The following C6orf62 variants were observed in gnomAD, a reference collection of about 807,000 sequenced individuals.
The protein encoded by C6orf62 is chromosome 6 open reading frame 62.
C6orf62 carries 16 observed loss-of-function variants against 26.8 expected under a neutral mutation model. The ratio of observed to expected loss-of-function variants is 0.60; its 90% CI spans 0.40 to 0.91. The LOEUF (loss-of-function observed/expected upper bound fraction) is 0.91. Ranked by LOEUF, C6orf62 falls within the 40% of genes least tolerant of loss-of-function variation. The pLI is 0.00. For synonymous variants in C6orf62, 112 were observed against 91.5 expected, an observed-to-expected ratio of 1.22 and a Z score of -1.28; for missense variants, 192 against 271.4, an observed-to-expected ratio of 0.71 and a Z score of 2.06.
intron 1 of C6orf62, among the ~76,000 whole-genome samples, chr6:24,716,882 CCTGG>C: frequency 6.6e-6 from 1 of 152,206 alleles, no homozygotes; most frequent in East Asian, 1.9e-4. Flanking sequence ...CGCCACCACA[CCTGG>C]CTAATTTTTG....
At chr6:24,714,637 A>G (rs758883770) in intron 2 of C6orf62, among the ~76,000 whole-genome samples, 197 bp from the exon 3 acceptor site, 13 of 152,124 alleles carry the variant, frequency 8.5e-5, no homozygotes, top group Non-Finnish European at 1.9e-4. Flanking sequence ...ATTTTTGGAG[A>G]CAGAGTCCCT....
intron 3 of C6orf62, among the ~76,000 whole-genome samples, chr6:24,713,133 T>C (rs967388132): frequency 6.6e-6 from 1 of 152,234 alleles, no homozygotes; most frequent in Admixed American, 6.5e-5. Flanking sequence ...AAAGTGACTT[T>C]TGAACTTACA....
At position 24,719,130 on chromosome 6, in the gene C6orf62, A is replaced by AG. The variant is rs1264228341; in HGVS notation, c.-463dup. On this transcript the variant is annotated 5_prime_UTR_variant, in exon 1 of 5. Transcript: ENST00000378119. ...TTAGAAAAGGGATTAAGGAACAGGG[A>AG]GGGGGAAGTGTGATCCTTGCTTTCC... 1 of 320,014 alleles carries AG rather than the reference A, an allele frequency of 3.1e-6. No homozygotes were observed. Among genetic ancestry groups the AG allele is most frequent in the Non-Finnish European group, 4.2e-6 (1 of 235,790 alleles). The allele number at this position is 320,014 out of a possible 1,614,324, so 19.8% of individuals were successfully genotyped here.
chr6:24,709,333 G>C, intron 3 of C6orf62: 3 of 985,098 alleles, frequency 3.0e-6, no homozygotes, highest in Non-Finnish European at 3.6e-6. Flanking sequence ...CTCAGTCCAA[G>C]ACTCCCACCA....
intron 4 of C6orf62, 48 bp downstream of exon 4, chr6:24,708,729 A>C (rs375340509): frequency 6.2e-7 from 1 of 1,611,272 alleles, no homozygotes; most frequent in Non-Finnish European, 8.5e-7. Flanking sequence ...TTACTAACCA[A>C]TAAGTTTTTG....
At chr6:24,719,927 G>C, upstream of C6orf62, 1 of 1,543,604 alleles carries the variant, frequency 6.5e-7, no homozygotes, top group Non-Finnish European at 8.8e-7. Context: ...ATTCCCGCCC[G>C]GGTGGAGTGG....
At chr6:24,716,849 G>A (rs1001570357) in intron 1 of C6orf62, among the ~76,000 whole-genome samples, 7 of 151,700 alleles carry the variant, frequency 4.6e-5, no homozygotes, top group Admixed American at 1.3e-4. Context: ...TCAGCCTCTC[G>A]AGTAGCTGGG....
chr6:24,720,288 C>T, upstream of C6orf62: 16 of 1,275,422 alleles, frequency 1.3e-5, no homozygotes, highest in Non-Finnish European at 1.5e-5. Flanking sequence ...GCGGAAGAGG[C>T]GGCGGCGGCG....
At chr6:24,715,462 T>C (rs1779202779) in intron 2 of C6orf62, among the ~76,000 whole-genome samples, 1 of 152,206 alleles carries the variant, frequency 6.6e-6, no homozygotes, top group African/African-American at 2.4e-5. Flanking sequence ...TACAACAAAG[T>C]TGTCCATGTT....
At chr6:24,717,287 GGATTT>G (rs747806303) in intron 1 of C6orf62, among the ~76,000 whole-genome samples, 7 of 151,972 alleles carry the variant, frequency 4.6e-5, no homozygotes, top group Non-Finnish European at 8.8e-5. Flanking sequence ...TTATTATCTT[GGATTT>G]ATTTAAAGAG....
upstream of C6orf62, chr6:24,719,281 A>G (rs1779304331): frequency 2.0e-6 from 2 of 989,424 alleles, no homozygotes; most frequent in African/African-American, 1.7e-5. Context: ...GTAGTACCTA[A>G]TTCTTAGTTA....
intron 4 of C6orf62, 30 bp from the exon 5 acceptor site, chr6:24,706,292 T>TA: frequency 6.2e-7 from 1 of 1,612,290 alleles, no homozygotes; most frequent in Non-Finnish European, 8.5e-7. Flanking sequence ...TAATATTTTT[T>TA]AAAAATAAGA....
chr6:24,714,849 CCT>C (rs1388009085), intron 2 of C6orf62, among the ~76,000 whole-genome samples: 3 of 152,128 alleles, frequency 2.0e-5, no homozygotes, highest in Admixed American at 6.5e-5. Flanking sequence ...GAACTCCTGA[CCT>C]CAGGTGATCC....
At chr6:24,720,347 C>T, upstream of C6orf62, 1 of 1,248,124 alleles carries the variant, frequency 8.0e-7, no homozygotes, top group Non-Finnish European at 1.0e-6. Flanking sequence ...AGAAAACCAC[C>T]AGCCAACTGA....
intron 4 of C6orf62, chr6:24,707,241 A>T (rs754713235): frequency 1.3e-5 from 2 of 152,232 alleles, no homozygotes; most frequent in Non-Finnish European, 2.9e-5. Flanking sequence ...TCACAGAAGC[A>T]ACATGCTCAC....
chr6:24,719,911 G>C, upstream of C6orf62: 1 of 1,550,442 alleles, frequency 6.4e-7, no homozygotes, highest in Non-Finnish European at 8.7e-7. Flanking sequence ...TTTCATCGTG[G>C]AAACAATTCC....
rs573518885 is a variant in C6orf62, at chr6:24,714,293, C to T, written c.429+25G>A. ...CTAGTAGTTTTCACATATTGAAATA[C>T]TCATCACACTTTAGACCAAAATACC... On this transcript the variant is annotated intron_variant, in intron 3 of 4. Coordinates refer to ENST00000378119, the MANE Select transcript of C6orf62 (RefSeq NM_030939.5). The T allele has an allele frequency of 3.2e-6, 5 of 1,578,424 alleles. No homozygotes were observed. The African/African-American group carries it at 4.1e-5, about 13-fold the overall frequency.
In C6orf62 at chr6:24,718,974, A is replaced by G. The variant is rs1779296278; in HGVS notation, c.-306T>C. On this transcript the variant is annotated 5_prime_UTR_variant, in exon 1 of 5. Transcript: ENST00000378119. ...GAAAATAACTAACTTTCTGGAAAAC[A>G]CATTTGGCTTAACTGCCAAAATAAA... 1 of 1,163,886 alleles carries G rather than the reference A, an allele frequency of 8.6e-7. No individual in the cohort carries two copies. Among genetic ancestry groups the G allele is most frequent in the Non-Finnish European group, 1.1e-6 (1 of 939,632 alleles). The allele number at this position is 1,163,886 out of a possible 1,614,324, so 72.1% of individuals were successfully genotyped here.
upstream of C6orf62, chr6:24,719,927 G>A (rs1368907361): frequency 4.5e-6 from 7 of 1,543,496 alleles, no homozygotes; most frequent in African/African-American, 1.4e-5. Context: ...ATTCCCGCCC[G>A]GGTGGAGTGG....
Sources: allele counts gnomAD v4.1 joint callset (sites outside exome capture counted in the v4.1 genomes callset), GRCh38; gene constraint gnomAD v4.1.1; transcripts MANE v1.5; gene names NCBI Gene and HGNC (gene_info 2026-07-23, HGNC 2026-07-21).